Variants in TSPEAR observed in about 807,000 individuals in gnomAD.
The protein encoded by TSPEAR is thrombospondin-type laminin G domain and EAR repeat-containing protein.
TSPEAR carries 69 observed loss-of-function variants against 71.6 expected under a neutral mutation model. The observed-to-expected ratio is 0.96, with a 90% confidence interval of 0.79 to 1.18. TSPEAR has a LOEUF of 1.18. Ranked by LOEUF, TSPEAR falls within the 50% of genes most tolerant of loss-of-function variation. TSPEAR has a pLI of 0.00. For missense variants in TSPEAR, 971 were observed against 894.9 expected (o/e 1.09, Z -1.09); for synonymous variants, 402 against 387.2 (o/e 1.04, Z -0.45).
rs368182044 is a variant in TSPEAR, at chr21:44,539,316, G to A, written c.304-5393C>T. On this transcript the variant is annotated intron_variant, in intron 2 of 11. Transcript: ENST00000323084. The stretch of plus-strand genomic sequence containing the variant: ...GAGCAGAGGCCTCAGCAGGCCGGGC[G>A]GGAGCACGCGGGGCGGCAGAGGAGG... The A allele has an allele frequency of 1.9e-5, 31 of 1,611,042 alleles. No homozygotes were observed. The East Asian group carries it at 3.3e-4, about 17-fold the overall frequency.
intron 1 of TSPEAR, chr21:44,579,477 T>G: frequency 1.8e-6 from 1 of 550,468 alleles, no homozygotes; most frequent in South Asian, 2.4e-5. Flanking sequence ...GGGGAGTTTA[T>G]TGGGGAGCAG....
At chr21:44,684,326 A>G (rs5013906) in intron 1 of TSPEAR, among the ~76,000 whole-genome samples, 97,121 of 151,714 alleles carry the variant, frequency 0.64, 31,224 homozygotes, top group South Asian at 0.72. Context: ...CTTGAGCCCA[A>G]GAGTTGTAGA....
At chr21:44,582,858 C>G (rs782108215) in intron 1 of TSPEAR, among the ~76,000 whole-genome samples, 40 of 59,482 alleles carry the variant, frequency 6.7e-4, no homozygotes, top group Non-Finnish European at 1.2e-3. Context: ...TTTTTTGACA[C>G]ACAGTCTCAC....
intron 1 of TSPEAR, chr21:44,647,457 T>A: frequency 1.5e-6 from 2 of 1,341,098 alleles, no homozygotes; most frequent in Non-Finnish European, 2.0e-6. Flanking sequence ...GCTCCATCAG[T>A]AGCCACAGAG....
chr21:44,701,374 A>C (rs1424111268), intron 1 of TSPEAR, among the ~76,000 whole-genome samples: 1 of 152,216 alleles, frequency 6.6e-6, no homozygotes, highest in African/African-American at 2.4e-5. Flanking sequence ...ACCAGGGACC[A>C]GTTTTGTGGT....
intron 2 of TSPEAR, chr21:44,550,493 G>A (rs1349908641): frequency 1.2e-5 from 10 of 825,930 alleles, no homozygotes; most frequent in Admixed American, 8.7e-5. Context: ...AGGAAGCACC[G>A]TGAGGAGAAG....
rs868943586 is a variant in TSPEAR at position 44,502,717 on chromosome 21, C to A, written c.1856+2063G>T. ...CACACGGGTGCAGCCAGCGCCGGGC[C>A]ATCCACTGGGCCCAGCCAATCTCGG... On this transcript the variant is annotated intron_variant, in intron 11 of 11. Transcript: ENST00000323084. 7.2e-5 allele frequency among the ~76,000 whole-genome samples: 11 copies of A among 152,268 alleles called. No homozygotes were observed. The South Asian group carries it at 1.9e-3, about 26-fold the overall frequency.
chr21:44,560,240 G>T (rs13048121), intron 2 of TSPEAR, among the ~76,000 whole-genome samples: 17,024 of 152,028 alleles, frequency 0.11, 1,200 homozygotes, highest in Middle Eastern at 0.17. Flanking sequence ...ACAAAGAAGG[G>T]CATTACATAA....
At chr21:44,601,238 C>T in intron 1 of TSPEAR, 2 of 1,606,468 alleles carry the variant, frequency 1.2e-6, no homozygotes, top group Non-Finnish European at 1.7e-6. Flanking sequence ...TCCTGCACGC[C>T]CTCGTGCTGC....
intron 11 of TSPEAR, among the ~76,000 whole-genome samples, chr21:44,500,462 T>C (rs587719656): frequency 3.6e-4 from 55 of 152,366 alleles, no homozygotes; most frequent in African/African-American, 1.3e-3. Flanking sequence ...CCCAGGAGCT[T>C]CCATTTCCGA....
intron 2 of TSPEAR, chr21:44,557,978 G>A: frequency 6.5e-7 from 1 of 1,534,630 alleles, no homozygotes. Context: ...CTCAGACAGG[G>A]CTCAGGGCTG....
At chr21:44,542,742 T>TAAAAAAAAAAAAAAAAAAA (rs11404148) in intron 2 of TSPEAR, among the ~76,000 whole-genome samples, 2 of 119,992 alleles carry the variant, frequency 1.7e-5, no homozygotes, top group Admixed American at 9.0e-5. Context: ...AGAGACCTGT[T>TAAAAAAAAAAAAAAAAAAA]AAAAAAAAAA....
intron 1 of TSPEAR, among the ~76,000 whole-genome samples, chr21:44,621,745 T>C (rs73907076): frequency 0.041 from 6,284 of 152,336 alleles, 420 homozygotes; most frequent in African/African-American, 0.14. Flanking sequence ...TTTGGGTCTG[T>C]AGTTGGCTCT....
chr21:44,580,660 T>G, intron 1 of TSPEAR: 1 of 1,403,348 alleles, frequency 7.1e-7, no homozygotes, highest in Non-Finnish European at 9.9e-7. Flanking sequence ...AGGGAGTGAG[T>G]GAGTGAGGTG....
Position 44,527,459 on chromosome 21 carries a change from G to C in TSPEAR, c.982C>G (p.Leu328Val), listed in dbSNP as rs2052880495. ...HQNLSTNSET[L>V]GIEVFRIPQV... Reference sequence around the variant, plus strand: ...GGGATGCGGAACACCTCAATGCCCAGGGTCTCTGAGTTGGTGGACAAGTTC... The same window carrying C: ...GGGATGCGGAACACCTCAATGCCCACGGTCTCTGAGTTGGTGGACAAGTTC... Residue 328 changes from leucine to valine, a missense_variant, in exon 7 of 12, where the codon CTG becomes GTG. By Grantham distance (32) the Leu-to-Val change is conservative. Coordinates refer to ENST00000323084, the MANE Select transcript of TSPEAR (RefSeq NM_144991.3). 8 of 1,614,232 alleles carry C rather than the reference G, an allele frequency of 5.0e-6. No individual in the cohort carries two copies. The highest frequency in any genetic ancestry group is 6.8e-6 in the Non-Finnish European group (8 of 1,180,040).
intron 1 of TSPEAR, among the ~76,000 whole-genome samples, chr21:44,603,427 G>A (rs587737764): frequency 9.3e-4 from 141 of 152,290 alleles, no homozygotes; most frequent in Non-Finnish European, 1.7e-3. Flanking sequence ...TCCCACAGAC[G>A]GCAAGATGGA....
Position 44,697,047 on chromosome 21 carries a change from TG to T in TSPEAR, c.82+14385del. 3,337 of 1,110,974 alleles carry T rather than the reference TG, an allele frequency of 3.0e-3. 129 individuals are homozygous for T. The highest frequency in any genetic ancestry group is 0.01 in the Admixed American group (350 of 33,340). 68.8% of individuals were successfully genotyped at this position (1,110,974 alleles called of 1,614,324 possible). On this transcript the variant is annotated intron_variant, in intron 1 of 11. Coordinates refer to ENST00000323084, the MANE Select transcript of TSPEAR (RefSeq NM_144991.3). Reference sequence around the variant, plus strand: ...AGACGCTCACTCACTCCCTCCCTCCTGCCCATCCAGCACCCAGACGCTCACT... The same window carrying T: ...AGACGCTCACTCACTCCCTCCCTCCTCCCATCCAGCACCCAGACGCTCACT...
At chr21:44,669,802 C>G (rs1340425513) in intron 1 of TSPEAR, among the ~76,000 whole-genome samples, 2 of 152,186 alleles carry the variant, frequency 1.3e-5, no homozygotes, top group African/African-American at 4.8e-5. Flanking sequence ...GAGGTCCTAC[C>G]CCCAGAACAC....
chr21:44,518,392 C>T (rs587613506), intron 9 of TSPEAR: 1 of 424,640 alleles, frequency 2.4e-6, no homozygotes, highest in East Asian at 7.1e-5. Flanking sequence ...GAAGAAGACA[C>T]TGTAAATTGG....
Sources: gnomAD v4.1 joint callset for allele counts (sites outside exome capture counted in the v4.1 genomes callset) on GRCh38, gnomAD v4.1.1 for gene constraint, MANE v1.5 for transcripts, NCBI Gene and HGNC (gene_info 2026-07-23, HGNC 2026-07-21) for gene names.